The following PHACTR2 variants were observed in gnomAD, a reference collection of about 807,000 sequenced individuals.
The protein encoded by PHACTR2 is chromosome 6 open reading frame 56.
PHACTR2 carries 30 observed loss-of-function variants against 76.0 expected under a neutral mutation model. The ratio of observed to expected loss-of-function variants is 0.39; its 90% CI spans 0.30 to 0.54. PHACTR2 has a LOEUF of 0.54. Among genes scored for constraint, PHACTR2 ranks in the 20% least tolerant of loss-of-function variants. PHACTR2 has a pLI of 0.61. For missense variants in PHACTR2, 696 were observed against 781.1 expected, an observed-to-expected ratio of 0.89 and a Z score of 1.30; for synonymous variants, 292 against 292.5, an observed-to-expected ratio of 1.00 and a Z score of 0.02.
intron 1 of PHACTR2, among the ~76,000 whole-genome samples, chr6:143,666,847 A>G (rs1219789631): frequency 6.6e-6 from 1 of 152,190 alleles, no homozygotes; most frequent in Non-Finnish European, 1.5e-5. Flanking sequence ...CTCTGCTGAG[A>G]GTTTCTTTCG....
Position 143,663,383 on chromosome 6 carries a change from A to G in PHACTR2, c.14-48633A>G, listed in dbSNP as rs955150241. Among the ~76,000 whole-genome samples, 1 of 151,904 alleles carries G rather than the reference A, an allele frequency of 6.6e-6. No individual in the cohort carries two copies. The highest frequency in any genetic ancestry group is 1.5e-5 in the Non-Finnish European group (1 of 68,016). ...ACTGAATATCCCAAAGCATTGAATC[A>G]CTTCTCTTGATTTTAAGATTCTGTT... On this transcript the variant is annotated intron_variant, in intron 1 of 11. Coordinates refer to the PHACTR2 transcript ENST00000305766. The surrounding 1 kb of genome is among the most constrained non-coding windows in gnomAD (Gnocchi z 4.1).
chr6:143,624,972 A>T lies in PHACTR2; in HGVS notation c.13+16650A>T, dbSNP rs892100206. Among the ~76,000 whole-genome samples, 1 of 152,142 alleles carries T rather than the reference A, an allele frequency of 6.6e-6. No homozygotes were observed. Among genetic ancestry groups the T allele is most frequent in the African/African-American group, 2.4e-5 (1 of 41,424 alleles). ...GGAGTACAAGACCAGCCTGGTCAAC[A>T]TGGTGAAAACCCGTATCTACTGAAA... is the stretch of plus-strand genomic sequence containing the variant. On this transcript the variant is annotated intron_variant, in intron 1 of 11. Transcript: ENST00000305766. This position sits in a 1 kb window ranked among gnomAD's most constrained non-coding sequence, Gnocchi z 4.6.
Position 143,760,527 on chromosome 6 carries a change from C to A in PHACTR2, c.581C>A (p.Ala194Asp). Residue 194 changes from alanine (A) to aspartate (D), a missense_variant, in exon 5 of 13, where the codon GCC becomes GAC. By Grantham distance (126) the Ala-to-Asp change is moderately radical. Around this residue, in one of 2 missense-constraint regions of PHACTR2, gnomAD observed 460 missense variants for 450.9 expected, o/e 1.02. Coordinates refer to ENST00000440869, the MANE Select transcript of PHACTR2 (RefSeq NM_001100164.2). This position sits in a 1 kb window ranked among gnomAD's most constrained non-coding sequence, Gnocchi z 6.4. ...PVPPKGATAG[A>D]SHKGDEVPPI... ...CCTCCGAAAGGGGCCACTGCTGGGG[C>A]CAGCCACAAAGGTGATGAAGTGCCT... 6.2e-7 allele frequency: 1 copy of A among 1,613,888 alleles called. No homozygotes were observed. Among genetic ancestry groups the A allele is most frequent in the Non-Finnish European group, 8.5e-7 (1 of 1,179,846 alleles).
rs1276880411 is a variant in PHACTR2 at position 143,757,115 on chromosome 6, TTTATTAAG to T, written c.454+3210_454+3217del. On this transcript the variant is annotated intron_variant, in intron 4 of 12. Transcript: ENST00000440869. The surrounding 1 kb of genome is among the most constrained non-coding windows in gnomAD (Gnocchi z 4.2). Reference sequence around the variant, plus strand: ...CTAAGAAATCTTGCTTGACATTATTTTTATTAAGTTATTATTTTAAAATCTTCAATGAA... The same window carrying T: ...CTAAGAAATCTTGCTTGACATTATTTTTATTATTTTAAAATCTTCAATGAA... Among the ~76,000 whole-genome samples the T allele has an allele frequency of 6.6e-6, 1 of 152,030 alleles. No homozygotes were observed. Among genetic ancestry groups the T allele is most frequent in the African/African-American group, 2.4e-5 (1 of 41,322 alleles).
intron 1 of PHACTR2, among the ~76,000 whole-genome samples, chr6:143,622,653 T>G (rs970737728): frequency 5.3e-5 from 8 of 152,212 alleles, no homozygotes; most frequent in Non-Finnish European, 8.8e-5. Context: ...TGTAGCCAAA[T>G]GCAAACGATG....
At chr6:143,629,053 T>C (rs558569785) in intron 1 of PHACTR2, among the ~76,000 whole-genome samples, 2 of 148,948 alleles carry the variant, frequency 1.3e-5, no homozygotes, top group African/African-American at 5.0e-5. Flanking sequence ...TCAAGTCACA[T>C]GTTCAGTAAG....
At chr6:143,564,998 T>A (rs950014237) in intron 1 of PHACTR2, among the ~76,000 whole-genome samples, 1 of 152,170 alleles carries the variant, frequency 6.6e-6, no homozygotes, top group Non-Finnish European at 1.5e-5. Context: ...GTATAAAACA[T>A]TGATCACCAT....
At chr6:143,796,584 C>T (rs181678785) in intron 11 of PHACTR2, among the ~76,000 whole-genome samples, 3 of 152,126 alleles carry the variant, frequency 2.0e-5, no homozygotes, top group African/African-American at 7.2e-5. Flanking sequence ...CTACAGGCCC[C>T]AGTGTGTGAT....
rs1582685072 is a variant in PHACTR2 at position 143,585,248 on chromosome 6, G to A, written c.217+48041G>A. On this transcript the variant is annotated intron_variant, in intron 1 of 11. Coordinates refer to the PHACTR2 transcript ENST00000367584. The surrounding 1 kb of genome is among the most constrained non-coding windows in gnomAD (Gnocchi z 5.2). ...GCAAGAATATGGAGGAAGGGAATTT[G>A]AGGTAGAGAAGGTGTTGGAAACCCA... is the stretch of plus-strand genomic sequence containing the variant. Among the ~76,000 whole-genome samples the A allele has an allele frequency of 6.6e-6, 1 of 152,110 alleles. No individual in the cohort carries two copies. The highest frequency in any genetic ancestry group is 1.9e-4 in the East Asian group (1 of 5,176).
chr6:143,713,486 A>G (rs1778230037), intron 2 of PHACTR2, among the ~76,000 whole-genome samples: 1 of 152,200 alleles, frequency 6.6e-6, no homozygotes, highest in Admixed American at 6.5e-5. Flanking sequence ...ACTTGGCTTA[A>G]GGGAAAATAA....
rs1582695524 is a variant in PHACTR2 at position 143,608,349 on chromosome 6, A to G, written c.13+27A>G. Reference sequence around the variant, plus strand: ...TGGGTAAATCAAGCATGAATTCTTCATAGCTGCTGGCTTCCTTTGCAGCCC... The same window carrying G: ...TGGGTAAATCAAGCATGAATTCTTCGTAGCTGCTGGCTTCCTTTGCAGCCC... On this transcript the variant is annotated intron_variant, in intron 1 of 11. Coordinates refer to the PHACTR2 transcript ENST00000305766. The surrounding 1 kb of genome is among the most constrained non-coding windows in gnomAD (Gnocchi z 4.6). 1.2e-6 allele frequency: 2 copies of G among 1,613,320 alleles called. No individual in the cohort carries two copies. The highest frequency in any genetic ancestry group is 2.7e-5 in the African/African-American group (2 of 75,050).
chr6:143,794,231 T>C lies in PHACTR2; in HGVS notation c.1845+5321T>C, dbSNP rs1379759198. On this transcript the variant is annotated intron_variant, in intron 11 of 12. Transcript: ENST00000440869. The surrounding 1 kb of genome is among the most constrained non-coding windows in gnomAD (Gnocchi z 4.1). ...TAAGACTATCAATGGTCTTAGTGTA[T>C]ATTTTATTTTAGAATGAAAATAACA... Among the ~76,000 whole-genome samples the C allele has an allele frequency of 1.3e-5, 2 of 151,596 alleles. No individual in the cohort carries two copies. The highest frequency in any genetic ancestry group is 2.9e-5 in the Non-Finnish European group (2 of 67,900).
At chr6:143,802,238 C>A (rs1433038297) in intron 11 of PHACTR2, among the ~76,000 whole-genome samples, 2 of 152,046 alleles carry the variant, frequency 1.3e-5, no homozygotes, top group African/African-American at 4.8e-5. Context: ...TCTAGAAATA[C>A]CTAGTTTTGG....
intron 1 of PHACTR2, among the ~76,000 whole-genome samples, chr6:143,626,773 A>T (rs1776268139): frequency 6.6e-6 from 1 of 152,206 alleles, no homozygotes; most frequent in Non-Finnish European, 1.5e-5. Context: ...CAGGGGCATG[A>T]TGTGAAGCGT....
chr6:143,827,172 A>C lies in PHACTR2; in HGVS notation c.*3483A>C, dbSNP rs1023832476. ...AAAAAGAAAATATATATATATATATATATATATATATATATATATATATAT... is the reference window on the plus strand; with the variant it reads ...AAAAAGAAAATATATATATATATATCTATATATATATATATATATATATAT... On this transcript the variant is annotated 3_prime_UTR_variant, in exon 13 of 13. Transcript: ENST00000440869. 8.9e-6 allele frequency: 1 copy of C among 112,092 alleles called. No homozygotes were observed. Among genetic ancestry groups the C allele is most frequent in the Non-Finnish European group, 1.8e-5 (1 of 55,658 alleles). The allele number at this position is 112,092 out of a possible 1,614,324, so 6.9% of individuals were successfully genotyped here. A position where few individuals can be genotyped will look rare whatever the true frequency, so the allele number is the denominator to read the frequency against.
At chr6:143,762,988 T>C (rs1779474187) in intron 5 of PHACTR2, among the ~76,000 whole-genome samples, 1 of 152,216 alleles carries the variant, frequency 6.6e-6, no homozygotes, top group Non-Finnish European at 1.5e-5. Context: ...GTGGCTTGAA[T>C]TTGCACTCTG....
intron 1 of PHACTR2, among the ~76,000 whole-genome samples, chr6:143,579,839 G>T (rs150279741): frequency 6.6e-6 from 1 of 152,152 alleles, no homozygotes; most frequent in Non-Finnish European, 1.5e-5. Flanking sequence ...ACATTTAGCT[G>T]GGCCCTCTGG....
chr6:143,702,989 A>C (rs977267434), intron 1 of PHACTR2, among the ~76,000 whole-genome samples: 1 of 151,566 alleles, frequency 6.6e-6, no homozygotes, highest in African/African-American at 2.4e-5. Flanking sequence ...TATATTGTGT[A>C]ATTCCACTAA....
At chr6:143,628,058 T>A (rs1443446252) in intron 1 of PHACTR2, among the ~76,000 whole-genome samples, 1 of 152,244 alleles carries the variant, frequency 6.6e-6, no homozygotes, top group Admixed American at 6.5e-5. Flanking sequence ...ACCTTTTGTG[T>A]CTGGCTTTTC....
Sources: gnomAD v4.1 joint callset for allele counts (sites outside exome capture counted in the v4.1 genomes callset) on GRCh38, gnomAD v4.1.1 for gene constraint, gnomAD v4.1.1 regional missense constraint, Gnocchi (gnomAD v3.1) non-coding constraint, MANE v1.5 for transcripts, NCBI Gene and HGNC (gene_info 2026-07-23, HGNC 2026-07-21) for gene names.